The following FAM78B variants were observed in gnomAD, a reference collection of about 807,000 sequenced individuals.
The protein encoded by FAM78B is protein FAM78B.
In FAM78B, 10 loss-of-function variants were observed where a neutral mutation model predicts 20.0. The ratio of observed to expected loss-of-function variants is 0.50; its 90% CI spans 0.31 to 0.85. FAM78B has a LOEUF of 0.85. Ranked by LOEUF, FAM78B falls within the 40% of genes least tolerant of loss-of-function variation. FAM78B has a pLI of 0.05. For synonymous variants in FAM78B, 135 were observed against 132.8 expected (o/e 1.02, Z -0.12); for missense variants, 283 against 345.0 (o/e 0.82, Z 1.42).
In FAM78B at chr1:166,109,882, G is replaced by GTGTATA. The variant is rs1553219461; in HGVS notation, c.264-39120_264-39119insTATACA. On this transcript the variant is annotated intron_variant, in intron 1 of 1. Coordinates refer to ENST00000354422, the MANE Select transcript of FAM78B (RefSeq NM_001017961.5). ...TATATGTATGTGTATATATATATAT[G>GTGTATA]TATATATGTATATATATATATATAT... is the stretch of plus-strand genomic sequence containing the variant. 4.1e-4 allele frequency among the ~76,000 whole-genome samples: 5 copies of GTGTATA among 12,272 alleles called. 1 individual carries two copies. Among genetic ancestry groups the GTGTATA allele is most frequent in the Admixed American group, 3.8e-3 (3 of 784 alleles). The allele number at this position is 12,272 out of a possible 152,430, so 8.1% of individuals were successfully genotyped here.
At chr1:166,126,235 T>C (rs1482446461) in intron 1 of FAM78B, among the ~76,000 whole-genome samples, 1 of 152,050 alleles carries the variant, frequency 6.6e-6, no homozygotes, top group Non-Finnish European at 1.5e-5. Flanking sequence ...TGTCCTAATT[T>C]AATCTTCACA....
chr1:166,079,498 G>A (rs979514725), intron 1 of FAM78B, among the ~76,000 whole-genome samples: 3 of 152,202 alleles, frequency 2.0e-5, no homozygotes, highest in African/African-American at 7.2e-5. Flanking sequence ...GTGGCTGTTT[G>A]TTGGGGGTGT....
intron 1 of FAM78B, among the ~76,000 whole-genome samples, chr1:166,073,010 A>C (rs1425634394): frequency 6.6e-6 from 1 of 152,200 alleles, no homozygotes; most frequent in Non-Finnish European, 1.5e-5. Context: ...ACAAATCATA[A>C]AACTTAGTTT....
rs142378932 is a variant in FAM78B at position 166,108,674 on chromosome 1, C to T, written c.264-37911G>A. Among the ~76,000 whole-genome samples the T allele has an allele frequency of 3.7e-3, 558 of 151,964 alleles. 4 individuals are homozygous for T. Among genetic ancestry groups the T allele is most frequent in the African/African-American group, 0.011 (461 of 41,474 alleles). On this transcript the variant is annotated intron_variant, in intron 1 of 1. Coordinates refer to ENST00000354422, the MANE Select transcript of FAM78B (RefSeq NM_001017961.5). ...AGAAAAAACAATCCTAAAATTCATA[C>T]GGAAACAAAAAAGAGCATGCATAGC...
chr1:166,080,448 A>G (rs941997879), intron 1 of FAM78B, among the ~76,000 whole-genome samples: 7 of 152,288 alleles, frequency 4.6e-5, no homozygotes, highest in Admixed American at 1.3e-4. Context: ...AATAGTTCTG[A>G]TAACATCATC....
At chr1:166,155,610 G>A (rs1655863105) in intron 1 of FAM78B, among the ~76,000 whole-genome samples, 1 of 152,206 alleles carries the variant, frequency 6.6e-6, no homozygotes, top group Admixed American at 6.5e-5. Context: ...ACAGGAGGTT[G>A]GGGGTTAGTT....
intron 1 of FAM78B, among the ~76,000 whole-genome samples, chr1:166,093,039 A>T (rs928851811): frequency 2.6e-5 from 4 of 152,238 alleles, no homozygotes; most frequent in African/African-American, 9.6e-5. Context: ...ATATTAGTTA[A>T]GAATATATTT....
intron 1 of FAM78B, among the ~76,000 whole-genome samples, chr1:166,095,644 C>CAG (rs1653247954): frequency 6.6e-6 from 1 of 152,190 alleles, no homozygotes; most frequent in African/African-American, 2.4e-5. Flanking sequence ...CAGGCCTCCT[C>CAG]AGAGTCCCCT....
chr1:166,156,712 G>A (rs953217687), intron 1 of FAM78B, among the ~76,000 whole-genome samples: 5 of 152,150 alleles, frequency 3.3e-5, no homozygotes, highest in African/African-American at 9.7e-5. Context: ...AATGATTTCA[G>A]GTGTTGGTCT....
chr1:166,061,979 T>C (rs1041784849), intron 2 of FAM78B, among the ~76,000 whole-genome samples: 1 of 152,248 alleles, frequency 6.6e-6, no homozygotes, highest in Non-Finnish European at 1.5e-5. Context: ...ATTATTTCAC[T>C]ATATTATTTC....
At chr1:166,115,168 G>A (rs528903072) in intron 1 of FAM78B, among the ~76,000 whole-genome samples, 28 of 152,280 alleles carry the variant, frequency 1.8e-4, no homozygotes, top group African/African-American at 6.7e-4. Flanking sequence ...AGCAGTAAAC[G>A]AAACAAAGCT....
chr1:166,136,766 T>C (rs529841332), intron 1 of FAM78B, among the ~76,000 whole-genome samples: 2 of 152,282 alleles, frequency 1.3e-5, no homozygotes, highest in East Asian at 3.9e-4. Context: ...TTTAGAGCAG[T>C]TGCAGCAACA....
intron 1 of FAM78B, among the ~76,000 whole-genome samples, chr1:166,142,013 G>A (rs151299903): frequency 1.0e-3 from 154 of 152,274 alleles, no homozygotes; most frequent in African/African-American, 3.4e-3. Context: ...TGCCACCTGT[G>A]AGAGGTCCCA....
At chr1:166,082,958 AG>A (rs892002082) in intron 1 of FAM78B, among the ~76,000 whole-genome samples, 5 of 152,156 alleles carry the variant, frequency 3.3e-5, no homozygotes, top group Non-Finnish European at 5.9e-5. Context: ...GAGAGGATGT[AG>A]GGGCTGGGTG....
downstream of FAM78B, among the ~76,000 whole-genome samples, chr1:166,068,529 T>A (rs994943031): frequency 1.3e-5 from 2 of 152,182 alleles, no homozygotes; most frequent in Non-Finnish European, 2.9e-5. Context: ...GTAAGTACCA[T>A]CCCCTGGGAC....
chr1:166,082,588 G>C (rs1043460876), intron 1 of FAM78B: 4 of 152,266 alleles, frequency 2.6e-5, no homozygotes, highest in Admixed American at 6.5e-5. Context: ...GTGCTGATTT[G>C]CTTGTGTCTA....
chr1:166,147,971 G>C (rs977850552), intron 1 of FAM78B: 2 of 152,176 alleles, frequency 1.3e-5, no homozygotes, highest in African/African-American at 2.4e-5. Context: ...TGCAATCAAA[G>C]AGGGGTTAAA....
At chr1:166,100,863 G>A (rs1169446199) in intron 1 of FAM78B, among the ~76,000 whole-genome samples, 2 of 152,200 alleles carry the variant, frequency 1.3e-5, no homozygotes, top group Admixed American at 6.5e-5. Context: ...CCAGCATGCA[G>A]CTTGAGATCT....
intron 1 of FAM78B, among the ~76,000 whole-genome samples, chr1:166,087,995 C>A (rs964384061): frequency 6.6e-6 from 1 of 152,118 alleles, no homozygotes; most frequent in Non-Finnish European, 1.5e-5. Context: ...GCTGCTTTTA[C>A]CTTCTGCACC....
Sources: gnomAD v4.1 joint callset for allele counts (sites outside exome capture counted in the v4.1 genomes callset) on GRCh38, gnomAD v4.1.1 for gene constraint, MANE v1.5 for transcripts, NCBI Gene and HGNC (gene_info 2026-07-23, HGNC 2026-07-21) for gene names.